AP4S1: variants seen among roughly 807,000 people sequenced by gnomAD.
AP4S1 encodes the protein adaptor related protein complex 4 subunit sigma 1, also known as AP-4 complex subunit sigma-1.
A neutral mutation model predicts 19.8 loss-of-function variants in AP4S1; 23 were observed. That is an observed-to-expected ratio of 1.16 (90% CI 0.84 to 1.65). AP4S1 has a LOEUF of 1.65. Ranked by LOEUF, AP4S1 falls within the 40% of genes most tolerant of loss-of-function variation. The probability of loss-of-function intolerance (pLI) is 0.00; values close to 1 mark genes in which losing one functional copy is unlikely to be tolerated. For missense variants in AP4S1, 166 were observed against 172.8 expected (o/e 0.96, Z 0.22); for synonymous variants, 46 against 54.1 (o/e 0.85, Z 0.66).
chr14:31,038,989 G>C (rs1884936304), intron 1 of AP4S1, among the ~76,000 whole-genome samples: 2 of 81,032 alleles, frequency 2.5e-5, no homozygotes, highest in African/African-American at 7.1e-5. Flanking sequence ...TTTAAATGTA[G>C]AGGTTTTTTT....
At chr14:31,090,748 A>G (rs181569400) in intron 5 of AP4S1, among the ~76,000 whole-genome samples, 1 of 152,376 alleles carries the variant, frequency 6.6e-6, no homozygotes, top group African/African-American at 2.4e-5. Flanking sequence ...AGGGTGTACA[A>G]GTTGCTCATA....
chr14:31,077,621 T>C (rs1456056889), intron 4 of AP4S1, among the ~76,000 whole-genome samples: 2 of 152,092 alleles, frequency 1.3e-5, no homozygotes, highest in African/African-American at 4.8e-5. Context: ...AAATCTGTTT[T>C]AAGATGACTT....
intron 1 of AP4S1, among the ~76,000 whole-genome samples, chr14:31,036,137 A>T (rs569335984): frequency 3.9e-5 from 6 of 152,252 alleles, no homozygotes; most frequent in African/African-American, 1.4e-4. Context: ...TTTATTTTAA[A>T]AAAATAATCT....
At chr14:31,027,180 A>T (rs1884055220) in intron 1 of AP4S1, 1 of 151,886 alleles carries the variant, frequency 6.6e-6, no homozygotes, top group African/African-American at 2.4e-5. Context: ...ATTCCTTTAG[A>T]TCTTGACGAT....
At chr14:31,033,935 A>G (rs1295117244) in intron 1 of AP4S1, among the ~76,000 whole-genome samples, 1 of 152,242 alleles carries the variant, frequency 6.6e-6, no homozygotes, top group Non-Finnish European at 1.5e-5. Flanking sequence ...TAGCTAACTC[A>G]TAGAGATGTC....
At chr14:31,055,616 T>C (rs1036207967) in intron 1 of AP4S1, among the ~76,000 whole-genome samples, 16 of 152,202 alleles carry the variant, frequency 1.1e-4, no homozygotes, top group African/African-American at 3.9e-4. Context: ...TATACTGTAC[T>C]AGTACTACAT....
intron 1 of AP4S1, among the ~76,000 whole-genome samples, chr14:31,049,209 C>T (rs532013637): frequency 1.1e-4 from 16 of 151,400 alleles, no homozygotes; most frequent in African/African-American, 2.9e-4. Flanking sequence ...GTCAGGAGAT[C>T]GAGACCATCC....
rs1888121545 is a variant in AP4S1 at position 31,093,174 on chromosome 14, A to G, written c.*139A>G. ...CCTTCCAAAGACATTATAAATAGGC[A>G]TTTTCCACAGTTCCTAAAAAGAAAA... On this transcript the variant is annotated 3_prime_UTR_variant, in exon 6 of 6. Transcript: ENST00000542754. The G allele has an allele frequency of 1.2e-6, 1 of 802,166 alleles. No individual in the cohort carries two copies. Among genetic ancestry groups the G allele is most frequent in the East Asian group, 3.3e-5 (1 of 30,164 alleles). The allele number at this position is 802,166 out of a possible 1,614,324, so 49.7% of individuals were successfully genotyped here.
intron 1 of AP4S1, among the ~76,000 whole-genome samples, chr14:31,058,517 C>CTG (rs1241249693): frequency 0.012 from 1,609 of 139,396 alleles, 13 homozygotes; most frequent in Middle Eastern, 0.022. Context: ...TTCCCCATCT[C>CTG]TGTGTGTGTA....
intron 5 of AP4S1, chr14:31,085,474 G>A: frequency 1.0e-6 from 1 of 986,054 alleles, no homozygotes; most frequent in Non-Finnish European, 1.2e-6. Flanking sequence ...ATGTTTTCTT[G>A]ATTTAAAGAC....
At chr14:31,057,906 GCGTGAGCAACTGCAC>G (rs2035202460) in intron 1 of AP4S1, among the ~76,000 whole-genome samples, 1 of 151,442 alleles carries the variant, frequency 6.6e-6, no homozygotes, top group Admixed American at 6.6e-5. Flanking sequence ...GGGATTACAG[GCGTGAGCAACTGCAC>G]CCAGCCAGTT....
intron 2 of AP4S1, 41 bp downstream of exon 2, chr14:31,066,375 A>G (rs768220725): frequency 3.1e-6 from 5 of 1,612,676 alleles, no homozygotes; most frequent in Non-Finnish European, 4.2e-6. Context: ...CATTCAACTC[A>G]GCCTTGGCAG....
chr14:31,047,241 C>G (rs751106933), intron 1 of AP4S1, among the ~76,000 whole-genome samples: 1 of 151,804 alleles, frequency 6.6e-6, no homozygotes, highest in Non-Finnish European at 1.5e-5. Context: ...AAATCCAAGT[C>G]CTTCATCAGA....
chr14:31,062,745 ATCACGAGG>A (rs1594675134), intron 1 of AP4S1, among the ~76,000 whole-genome samples: 1 of 151,546 alleles, frequency 6.6e-6, no homozygotes, highest in East Asian at 2.0e-4. Flanking sequence ...AGGTAGGCGG[ATCACGAGG>A]TCAGGAGATC....
chr14:31,066,628 C>G (rs528784357), intron 2 of AP4S1, among the ~76,000 whole-genome samples: 3 of 152,264 alleles, frequency 2.0e-5, no homozygotes, highest in Non-Finnish European at 4.4e-5. Flanking sequence ...ATAGACACAC[C>G]TCTTCTTTTT....
At chr14:31,036,081 T>C (rs1351165187) in intron 1 of AP4S1, among the ~76,000 whole-genome samples, 2 of 151,888 alleles carry the variant, frequency 1.3e-5, no homozygotes, top group Non-Finnish European at 2.9e-5. Flanking sequence ...ATAATTACAA[T>C]TATGTTATCA....
chr14:31,088,223 G>T (rs548289470), intron 5 of AP4S1, among the ~76,000 whole-genome samples: 1 of 152,112 alleles, frequency 6.6e-6, no homozygotes, highest in Admixed American at 6.5e-5. Flanking sequence ...TCAGGAGCCC[G>T]CTAGGTGCCA....
chr14:31,051,935 A>C (rs1885819738), intron 1 of AP4S1, among the ~76,000 whole-genome samples: 1 of 152,212 alleles, frequency 6.6e-6, no homozygotes, highest in African/African-American at 2.4e-5. Context: ...TGCTGGGATT[A>C]CAGGCATGAG....
chr14:31,068,506 T>C (rs1886844030), intron 2 of AP4S1, among the ~76,000 whole-genome samples: 1 of 152,240 alleles, frequency 6.6e-6, no homozygotes, highest in Non-Finnish European at 1.5e-5. Flanking sequence ...TTTCATGTTG[T>C]CAGACGGAAA....
Sources: allele counts gnomAD v4.1 joint callset (sites outside exome capture counted in the v4.1 genomes callset), GRCh38; gene constraint gnomAD v4.1.1; transcripts MANE v1.5; gene names NCBI Gene and HGNC (gene_info 2026-07-23, HGNC 2026-07-21).